Variants in WDR64 observed in about 807,000 individuals in gnomAD.
The protein encoded by WDR64 is WD repeat-containing protein 64.
In WDR64, 112 loss-of-function variants were observed where a neutral mutation model predicts 139.3. The ratio of observed to expected loss-of-function variants is 0.80; its 90% CI spans 0.69 to 0.94. WDR64 has a LOEUF of 0.94. WDR64 is among the 40% of genes least tolerant of loss of function. The pLI is 0.00. For missense variants in WDR64, 1,206 were observed against 1,293.1 expected, an observed-to-expected ratio of 0.93 and a Z score of 1.03; for synonymous variants, 444 against 437.7, an observed-to-expected ratio of 1.01 and a Z score of -0.18.
chr1:241,705,029 T>G (rs1333416786), intron 8 of WDR64, among the ~76,000 whole-genome samples: 5 of 151,944 alleles, frequency 3.3e-5, no homozygotes, highest in African/African-American at 1.2e-4. Flanking sequence ...GGAGTGGCGG[T>G]TGGGGCGAGA....
intron 10 of WDR64, among the ~76,000 whole-genome samples, chr1:241,729,767 T>A (rs535467784): frequency 2.6e-5 from 4 of 152,362 alleles, no homozygotes; most frequent in African/African-American, 7.2e-5. Context: ...CCTTCAAGTT[T>A]TAAAAATTTG....
intron 10 of WDR64, among the ~76,000 whole-genome samples, chr1:241,736,415 TAAAAA>T (rs59588872): frequency 1.6e-4 from 21 of 134,658 alleles, no homozygotes; most frequent in African/African-American, 4.5e-4. Context: ...TGGAAGAGTT[TAAAAA>T]AAAAAAAAAA....
At chr1:241,662,679 G>A (rs1004817452) in intron 2 of WDR64, among the ~76,000 whole-genome samples, 3 of 152,138 alleles carry the variant, frequency 2.0e-5, no homozygotes, top group African/African-American at 7.2e-5. Context: ...TTATACAAAA[G>A]TGTGACTTGT....
intron 10 of WDR64, among the ~76,000 whole-genome samples, chr1:241,728,950 A>C (rs983511256): frequency 2.6e-5 from 4 of 152,166 alleles, no homozygotes; most frequent in African/African-American, 7.2e-5. Flanking sequence ...AAACCTGAGA[A>C]AAGGCAGTTT....
chr1:241,675,921 C>T (rs1666538006), intron 4 of WDR64, among the ~76,000 whole-genome samples: 1 of 151,924 alleles, frequency 6.6e-6, no homozygotes, highest in Admixed American at 6.6e-5. Context: ...TACAATATAC[C>T]CTACATAATA....
chr1:241,748,137 C>T (rs1199940368), intron 13 of WDR64, among the ~76,000 whole-genome samples: 1 of 152,174 alleles, frequency 6.6e-6, no homozygotes, highest in African/African-American at 2.4e-5. Flanking sequence ...AAGCCTAAGC[C>T]ACTGAGGGAA....
chr1:241,792,577 A>G (rs1036379575), intron 25 of WDR64, among the ~76,000 whole-genome samples: 4 of 152,002 alleles, frequency 2.6e-5, no homozygotes, highest in African/African-American at 7.2e-5. Flanking sequence ...AAAATTAACA[A>G]AGGTCAGTAT....
chr1:241,695,897 C>A (rs545600963), intron 8 of WDR64, among the ~76,000 whole-genome samples: 1 of 151,870 alleles, frequency 6.6e-6, no homozygotes, highest in African/African-American at 2.4e-5. Context: ...GAGAATCACT[C>A]GAGCCCAGGA....
chr1:241,774,095 T>C (rs1658561317), intron 20 of WDR64, among the ~76,000 whole-genome samples: 2 of 152,160 alleles, frequency 1.3e-5, no homozygotes, highest in Admixed American at 6.5e-5. Flanking sequence ...AGGAAGGATC[T>C]TGAGTAGCCT....
chr1:241,722,722 A>T (rs1293372666), intron 9 of WDR64, among the ~76,000 whole-genome samples: 2 of 151,512 alleles, frequency 1.3e-5, no homozygotes, highest in African/African-American at 4.9e-5. Context: ...AGGAAAAGAC[A>T]TTTTTATAAA....
At chr1:241,669,589 CGAT>C (rs1666147252) in intron 2 of WDR64, among the ~76,000 whole-genome samples, 1 of 152,036 alleles carries the variant, frequency 6.6e-6, no homozygotes, top group African/African-American at 2.4e-5. Flanking sequence ...AAGCAAGTCT[CGAT>C]GAGCCTGATT....
At chr1:241,678,962 T>G (rs774998489) in intron 5 of WDR64, among the ~76,000 whole-genome samples, 1 of 148,682 alleles carries the variant, frequency 6.7e-6, no homozygotes, top group African/African-American at 2.5e-5. Flanking sequence ...CAGTCATAAA[T>G]GGAAGCTTCT....
chr1:241,783,210 A>G, intron 22 of WDR64, 62 bp from the exon 23 acceptor site: 2 of 1,400,080 alleles, frequency 1.4e-6, no homozygotes, highest in Non-Finnish European at 2.0e-6. Context: ...GATTTTGTTG[A>G]AGATTACATT....
At chr1:241,729,222 T>G (rs1668978858) in intron 10 of WDR64, among the ~76,000 whole-genome samples, 1 of 152,164 alleles carries the variant, frequency 6.6e-6, no homozygotes, top group African/African-American at 2.4e-5. Context: ...CTCATTCTTC[T>G]TCCCAGAGTC....
At chr1:241,665,660 A>C (rs1666000728) in intron 2 of WDR64, among the ~76,000 whole-genome samples, 1 of 152,208 alleles carries the variant, frequency 6.6e-6, no homozygotes, top group Admixed American at 6.5e-5. Context: ...TAATGAAAAA[A>C]ATTTAATGTA....
chr1:241,766,517 A>G (rs1223163812), intron 16 of WDR64, among the ~76,000 whole-genome samples, 166 bp downstream of exon 16: 1 of 152,222 alleles, frequency 6.6e-6, no homozygotes, highest in African/African-American at 2.4e-5. Context: ...CCTTACCAAC[A>G]TGGTGAAACC....
intron 2 of WDR64, 29 bp from the exon 3 acceptor site, chr1:241,671,045 A>G: frequency 7.0e-7 from 1 of 1,436,962 alleles, no homozygotes. Context: ...GGCATGCTGC[A>G]TATTTATATG....
rs1031570279 is a variant in WDR64, at chr1:241,779,276, T to C, written c.2537-728T>C. Among the ~76,000 whole-genome samples the C allele has an allele frequency of 2.6e-5, 4 of 152,332 alleles. No homozygotes were observed. In the East Asian group the frequency reaches 5.8e-4, roughly 22 times the overall value. On this transcript the variant is annotated intron_variant, in intron 21 of 27. Coordinates refer to ENST00000437684, the MANE Select transcript of WDR64 (RefSeq NM_001367482.1). ...ATTTTTTTTTCCTCCATCTGGCTTC[T>C]TTCAAGACTCTTTTTTATACCTTTG... is the stretch of plus-strand genomic sequence containing the variant.
chr1:241,687,323 G>T, intron 7 of WDR64, 138 bp from the exon 8 acceptor site: 1 of 892,628 alleles, frequency 1.1e-6, no homozygotes. Flanking sequence ...AAAAAAAAAG[G>T]TGTTATAATG....
Sources: allele counts gnomAD v4.1 joint callset (sites outside exome capture counted in the v4.1 genomes callset), GRCh38; gene constraint gnomAD v4.1.1; transcripts MANE v1.5; gene names NCBI Gene and HGNC (gene_info 2026-07-23, HGNC 2026-07-21).